Variants in SKAP1 observed in about 807,000 individuals in gnomAD.
SKAP1 encodes the protein src kinase associated phosphoprotein 1, also known as src kinase-associated phosphoprotein 1.
SKAP1 carries 44 observed loss-of-function variants against 58.5 expected under a neutral mutation model. The observed-to-expected ratio is 0.75, with a 90% CI of 0.59 to 0.97. SKAP1 has a LOEUF of 0.97. Among genes scored for constraint, SKAP1 ranks in the 50% least tolerant of loss-of-function variants. The pLI is 0.00. For synonymous variants in SKAP1, 127 were observed against 149.7 expected (o/e 0.85, Z 1.11); for missense variants, 390 against 435.2 (o/e 0.90, Z 0.92).
At chr17:48,187,653 A>G (rs2064476182) in intron 6 of SKAP1, among the ~76,000 whole-genome samples, 190 bp downstream of exon 6, 1 of 152,214 alleles carries the variant, frequency 6.6e-6, no homozygotes, top group Non-Finnish European at 1.5e-5. Flanking sequence ...AAGGTGAAAT[A>G]ATTTCTAAAT....
At chr17:48,302,800 G>A (rs1435293804) in intron 4 of SKAP1, among the ~76,000 whole-genome samples, 1 of 152,192 alleles carries the variant, frequency 6.6e-6, no homozygotes, top group East Asian at 1.9e-4. Context: ...CACTCTGGGA[G>A]CACTTACTTG....
At chr17:48,134,339 G>A (rs1276708217) in intron 12 of SKAP1, among the ~76,000 whole-genome samples, 1 of 151,514 alleles carries the variant, frequency 6.6e-6, no homozygotes, top group Non-Finnish European at 1.5e-5. Flanking sequence ...CTTTTTTTTA[G>A]ATGGAGTCTT....
Position 48,205,582 on chromosome 17 carries a change from A to G in SKAP1, c.281-16082T>C, listed in dbSNP as rs530925664. 2.0e-5 allele frequency among the ~76,000 whole-genome samples: 3 copies of G among 152,318 alleles called. No individual in the cohort carries two copies. In the South Asian group the frequency reaches 6.2e-4, roughly 32 times the overall value. On this transcript the variant is annotated intron_variant, in intron 4 of 12. Coordinates refer to ENST00000336915, the MANE Select transcript of SKAP1 (RefSeq NM_003726.4). ...CTCCATACACCCAGCACATGAATGA[A>G]AAGGGACTCACATATTGGTAATCAC...
chr17:48,250,653 C>A (rs371540744), intron 4 of SKAP1, among the ~76,000 whole-genome samples: 3 of 151,746 alleles, frequency 2.0e-5, no homozygotes, highest in Non-Finnish European at 2.9e-5. Context: ...GCGATCTTCT[C>A]GTTTTTCTAA....
intron 4 of SKAP1, among the ~76,000 whole-genome samples, chr17:48,234,039 C>T (rs577585480): frequency 6.6e-6 from 1 of 152,140 alleles, no homozygotes; most frequent in Non-Finnish European, 1.5e-5. Context: ...ACTTCTTACT[C>T]AAGTGCATTT....
intron 2 of SKAP1, among the ~76,000 whole-genome samples, chr17:48,372,007 C>G (rs2067093766): frequency 6.6e-6 from 1 of 152,114 alleles, no homozygotes; most frequent in Non-Finnish European, 1.5e-5. Flanking sequence ...GAGTCTCACT[C>G]TGTCACCCAG....
intron 3 of SKAP1, among the ~76,000 whole-genome samples, chr17:48,349,936 T>C (rs1401694734): frequency 6.6e-6 from 1 of 152,216 alleles, no homozygotes; most frequent in Non-Finnish European, 1.5e-5. Flanking sequence ...CCACTAGAAG[T>C]TGGCTTTTTC....
chr17:48,136,806 C>T (rs10445377), intron 12 of SKAP1: 80,650 of 152,436 alleles, frequency 0.53, 23,235 homozygotes, highest in East Asian at 0.77. Flanking sequence ...GGATTACAGG[C>T]GCCCACCACC....
chr17:48,158,437 G>A (rs1381734664), intron 11 of SKAP1, among the ~76,000 whole-genome samples: 1 of 150,476 alleles, frequency 6.6e-6, no homozygotes, highest in Non-Finnish European at 1.5e-5. Flanking sequence ...GCATGGTGGC[G>A]GGTGCCTGTA....
intron 1 of SKAP1, among the ~76,000 whole-genome samples, chr17:48,397,295 G>A (rs1295991868): frequency 6.6e-6 from 1 of 152,120 alleles, no homozygotes; most frequent in Non-Finnish European, 1.5e-5. Context: ...GCGTCATCTT[G>A]GCTCACTGCA....
chr17:48,317,380 T>C (rs2066303752), intron 4 of SKAP1, among the ~76,000 whole-genome samples: 1 of 152,126 alleles, frequency 6.6e-6, no homozygotes, highest in African/African-American at 2.4e-5. Flanking sequence ...ATCACAAACA[T>C]GGCATTAAAC....
At chr17:48,170,530 G>T in intron 10 of SKAP1, 79 bp downstream of exon 10, 1 of 1,214,834 alleles carries the variant, frequency 8.2e-7, no homozygotes, top group Non-Finnish European at 1.2e-6. Flanking sequence ...AATTTTTGTA[G>T]TCTCAGAGAA....
At chr17:48,372,481 T>G (rs911568294) in intron 2 of SKAP1, among the ~76,000 whole-genome samples, 15 of 151,876 alleles carry the variant, frequency 9.9e-5, no homozygotes, top group Admixed American at 1.3e-4. Flanking sequence ...TAATTTTGTA[T>G]TTTTAGTAGA....
At chr17:48,211,511 C>T (rs1291789692) in intron 4 of SKAP1, among the ~76,000 whole-genome samples, 2 of 152,112 alleles carry the variant, frequency 1.3e-5, no homozygotes, top group Admixed American at 1.3e-4. Flanking sequence ...AAACAGCATT[C>T]GAATATTCTG....
At chr17:48,281,632 A>G (rs1295012525) in intron 4 of SKAP1, among the ~76,000 whole-genome samples, 1 of 152,248 alleles carries the variant, frequency 6.6e-6, no homozygotes, top group East Asian at 1.9e-4. Context: ...AAAATAAGAA[A>G]TTAACACTGT....
chr17:48,301,397 C>T (rs1382086128), intron 4 of SKAP1, among the ~76,000 whole-genome samples: 2 of 152,130 alleles, frequency 1.3e-5, no homozygotes, highest in Non-Finnish European at 2.9e-5. Flanking sequence ...ATTCCTTCAG[C>T]ACCTAGCATT....
rs377405971 is a variant in SKAP1 at position 48,430,151 on chromosome 17, C to T, written c.-31G>A. ...TGGGCGGGAGAGAGGCGGGACGGGG[C>T]GCGGGCCCTGGTCGGGAGGCGGACG... On this transcript the variant is annotated 5_prime_UTR_variant, in exon 1 of 13. Transcript: ENST00000336915. 2 of 1,245,258 alleles carry T rather than the reference C, an allele frequency of 1.6e-6. No individual in the cohort carries two copies. The highest frequency in any genetic ancestry group is 2.0e-6 in the Non-Finnish European group (2 of 986,546). 77.1% of individuals were successfully genotyped at this position (1,245,258 alleles called of 1,614,324 possible).
chr17:48,301,283 ATCT>A (rs1476047034), intron 4 of SKAP1, among the ~76,000 whole-genome samples: 1 of 152,054 alleles, frequency 6.6e-6, no homozygotes, highest in Non-Finnish European at 1.5e-5. Context: ...ATGAGCAAAG[ATCT>A]TCTTGTTTTG....
intron 1 of SKAP1, among the ~76,000 whole-genome samples, chr17:48,418,676 G>A (rs1053260899): frequency 1.3e-5 from 2 of 152,120 alleles, no homozygotes; most frequent in African/African-American, 4.8e-5. Context: ...ATTCATGATA[G>A]CCAAAAACTG....
Sources: gnomAD v4.1 joint callset for allele counts (sites outside exome capture counted in the v4.1 genomes callset) on GRCh38, gnomAD v4.1.1 for gene constraint, MANE v1.5 for transcripts, NCBI Gene and HGNC (gene_info 2026-07-23, HGNC 2026-07-21) for gene names.